PITPNC1: variants seen among roughly 807,000 people sequenced by gnomAD.
The protein encoded by PITPNC1 is phosphatidylinositol transfer protein cytoplasmic 1.
A neutral mutation model predicts 44.7 loss-of-function variants in PITPNC1; 18 were observed. The ratio of observed to expected loss-of-function variants is 0.40; its 90% CI spans 0.28 to 0.60. PITPNC1 has a LOEUF of 0.60. Among genes scored for constraint, PITPNC1 ranks in the 20% least tolerant of loss-of-function variants. The pLI is 0.39. For synonymous variants in PITPNC1, 141 were observed against 149.6 expected (o/e 0.94, Z 0.42); for missense variants, 290 against 418.4 (o/e 0.69, Z 2.68).
rs923342413 is a variant in PITPNC1 at position 67,641,272 on chromosome 17, G to A, written c.462+9034G>A. 5.3e-5 allele frequency among the ~76,000 whole-genome samples: 8 copies of A among 152,170 alleles called. No homozygotes were observed. In the East Asian group the frequency reaches 7.7e-4, roughly 15 times the overall value. On this transcript the variant is annotated intron_variant, in intron 6 of 8. Coordinates refer to ENST00000581322, the MANE Select transcript of PITPNC1 (RefSeq NM_012417.4). ...ACATGATCCTTGTAAAAAAAATTCC[G>A]ACATGATACAAACACAAAACAGAGC...
chr17:67,513,353 G>GTATCTATATCTATATCTA lies in PITPNC1; in HGVS notation c.49-19412_49-19395dup, dbSNP rs66547837. Reference sequence around the variant, plus strand: ...AGCCTGGGTGACACAGGAAGAGTCTGTATCTATATCTATATCTATATCTAT... The same window carrying GTATCTATATCTATATCTA: ...AGCCTGGGTGACACAGGAAGAGTCTGTATCTATATCTATATCTATATCTATATCTATATCTATATCTAT... On this transcript the variant is annotated intron_variant, in intron 1 of 8. Coordinates refer to ENST00000581322, the MANE Select transcript of PITPNC1 (RefSeq NM_012417.4). Among the ~76,000 whole-genome samples the GTATCTATATCTATATCTA allele has an allele frequency of 1.3e-3, 186 of 139,236 alleles. 1 individual carries two copies. The highest frequency in any genetic ancestry group is 4.1e-3 in the African/African-American group (153 of 37,000). 91.3% of individuals were successfully genotyped at this position (139,236 alleles called of 152,430 possible). A position where few individuals can be genotyped will look rare whatever the true frequency, so the allele number is the denominator to read the frequency against.
intron 5 of PITPNC1, among the ~76,000 whole-genome samples, chr17:67,608,913 A>G (rs1272412568): frequency 6.6e-6 from 1 of 152,214 alleles, no homozygotes; most frequent in East Asian, 1.9e-4. Flanking sequence ...GATTAGATTC[A>G]GACTGTGCAT....
At chr17:67,537,081 T>G (rs1372953904) in intron 2 of PITPNC1, among the ~76,000 whole-genome samples, 2 of 152,122 alleles carry the variant, frequency 1.3e-5, no homozygotes, top group Non-Finnish European at 1.5e-5. Context: ...CAGAGAAAAA[T>G]GTATCATGAC....
intron 6 of PITPNC1, among the ~76,000 whole-genome samples, chr17:67,666,276 G>A (rs562285411): frequency 6.6e-6 from 1 of 152,312 alleles, no homozygotes; most frequent in South Asian, 2.1e-4. Context: ...GATTAAAGGC[G>A]TGAGCCACTG....
chr17:67,408,657 C>G (rs754691946), intron 1 of PITPNC1: 2 of 151,582 alleles, frequency 1.3e-5, no homozygotes, highest in Non-Finnish European at 2.9e-5. Flanking sequence ...TCCTCCCTCC[C>G]TCCTTGCTTG....
chr17:67,607,510 T>C (rs995741473), intron 5 of PITPNC1, among the ~76,000 whole-genome samples: 9 of 152,328 alleles, frequency 5.9e-5, no homozygotes, highest in African/African-American at 1.2e-4. Context: ...CAGCACAAGA[T>C]TTTTTGTAGC....
In PITPNC1 at chr17:67,377,520, C is replaced by A; in HGVS notation, c.-635C>A. On this transcript the variant is annotated 5_prime_UTR_variant, in exon 1 of 9. Coordinates refer to ENST00000581322, the MANE Select transcript of PITPNC1 (RefSeq NM_012417.4). ...AGCGGCGGCGGCGGCGGCGGCTTCC[C>A]TTTTCTCCCCGAGCCGAGCCCCGGA... 6.5e-6 allele frequency: 1 copy of A among 154,138 alleles called. No individual in the cohort carries two copies. The highest frequency in any genetic ancestry group is 1.8e-4 in the South Asian group (1 of 5,678). 9.5% of individuals were successfully genotyped at this position (154,138 alleles called of 1,614,324 possible).
intron 1 of PITPNC1, among the ~76,000 whole-genome samples, chr17:67,458,197 C>CT (rs915570254): frequency 1.2e-4 from 19 of 152,188 alleles, no homozygotes; most frequent in Non-Finnish European, 2.1e-4. Flanking sequence ...CCTCCTCCTG[C>CT]TTCCTCCTCT....
chr17:67,616,097 A>T (rs2041754583), intron 5 of PITPNC1, among the ~76,000 whole-genome samples: 1 of 152,094 alleles, frequency 6.6e-6, no homozygotes, highest in African/African-American at 2.4e-5. Context: ...ATCCTTCCGC[A>T]TGTACTTTGG....
intron 8 of PITPNC1, among the ~76,000 whole-genome samples, chr17:67,680,470 G>A (rs1257749827): frequency 3.9e-5 from 6 of 151,962 alleles, no homozygotes; most frequent in African/African-American, 1.5e-4. Flanking sequence ...CGTGGTTGCG[G>A]GCACCTGTAA....
At chr17:67,573,278 A>C (rs112952647) in intron 4 of PITPNC1, among the ~76,000 whole-genome samples, 30 of 152,296 alleles carry the variant, frequency 2.0e-4, no homozygotes, top group African/African-American at 7.0e-4. Context: ...GAAAAAAATC[A>C]TGAAAAGTCA....
intron 5 of PITPNC1, among the ~76,000 whole-genome samples, chr17:67,627,675 G>A (rs2041912166): frequency 6.6e-6 from 1 of 152,166 alleles, no homozygotes; most frequent in South Asian, 2.1e-4. Context: ...ATGCTAAGAG[G>A]CGGTTTTGTT....
intron 1 of PITPNC1, among the ~76,000 whole-genome samples, chr17:67,418,388 G>T (rs766932448): frequency 6.6e-6 from 1 of 152,144 alleles, no homozygotes; most frequent in Non-Finnish European, 1.5e-5. Context: ...TAAACAATGG[G>T]AGAAAATGGA....
chr17:67,539,730 C>T (rs1262744483), intron 2 of PITPNC1, among the ~76,000 whole-genome samples: 1 of 151,956 alleles, frequency 6.6e-6, no homozygotes, highest in Non-Finnish European at 1.5e-5. Context: ...CCCAGCTACT[C>T]GGGAGGCTGA....
intron 4 of PITPNC1, among the ~76,000 whole-genome samples, chr17:67,567,145 G>T (rs1040830640): frequency 1.3e-5 from 2 of 150,994 alleles, no homozygotes; most frequent in African/African-American, 5.0e-5. Flanking sequence ...TGTTGGCCAG[G>T]TCTCCTTTGG....
Position 67,542,716 on chromosome 17 carries a change from G to A in PITPNC1, c.198-9541G>A, listed in dbSNP as rs1248922153. Among the ~76,000 whole-genome samples the A allele has an allele frequency of 3.3e-5, 5 of 152,156 alleles. No homozygotes were observed. In the East Asian group the frequency reaches 9.6e-4, roughly 29 times the overall value. On this transcript the variant is annotated intron_variant, in intron 2 of 8. Transcript: ENST00000581322. ...CATTGACCTATGGACCTGAACGCAT[G>A]AGCCGGCATAGTGAGTGGATTCTCT... is the stretch of plus-strand genomic sequence containing the variant.
intron 1 of PITPNC1, among the ~76,000 whole-genome samples, chr17:67,444,511 T>C (rs917179094): frequency 6.6e-6 from 1 of 152,088 alleles, no homozygotes; most frequent in Admixed American, 6.6e-5. Context: ...GAGACTCTTT[T>C]AGTTTTATGT....
intron 4 of PITPNC1, among the ~76,000 whole-genome samples, chr17:67,564,724 T>A (rs2040951541): frequency 6.6e-6 from 1 of 152,218 alleles, no homozygotes; most frequent in Non-Finnish European, 1.5e-5. Flanking sequence ...TGGAAAACCT[T>A]GTGACTTCCT....
At chr17:67,491,341 A>G (rs914256066) in intron 1 of PITPNC1, among the ~76,000 whole-genome samples, 2 of 152,210 alleles carry the variant, frequency 1.3e-5, no homozygotes, top group Non-Finnish European at 2.9e-5. Context: ...CATGAGTCAC[A>G]ATGCCGGGCC....
Sources: allele counts gnomAD v4.1 joint callset (sites outside exome capture counted in the v4.1 genomes callset), GRCh38; gene constraint gnomAD v4.1.1; transcripts MANE v1.5; gene names NCBI Gene and HGNC (gene_info 2026-07-23, HGNC 2026-07-21).